Variants in NANOGNB observed in about 807,000 individuals in gnomAD.
NANOGNB encodes the protein homeobox C14.
Under a neutral mutation model 25.0 loss-of-function variants are expected in NANOGNB, and 30 were observed. That is an observed-to-expected ratio of 1.20 (90% confidence interval 0.90 to 1.63). The LOEUF is 1.63. NANOGNB is among the 40% of genes most tolerant of loss of function. The pLI is 0.00. For synonymous variants in NANOGNB, 84 were observed against 62.1 expected, an observed-to-expected ratio of 1.35 and a Z score of -1.66; for missense variants, 200 against 188.1, an observed-to-expected ratio of 1.06 and a Z score of -0.37.
At position 7,773,793 on chromosome 12, in the gene NANOGNB, T is replaced by TTTTAA; in HGVS notation, c.516-7_516-6insTTTAA. On this transcript the variant is annotated splice_polypyrimidine_tract_variant and splice_region_variant and intron_variant, in intron 3 of 3. Coordinates refer to ENST00000382119, the MANE Select transcript of NANOGNB (RefSeq NM_001145465.1). ...AAACTCTTTTTTTTTTTTTTTTTTT[T>TTTTAA]AAACAGATGGAGATCTCTGTGTTGC... 1 of 630,200 alleles carries TTTTAA rather than the reference T, an allele frequency of 1.6e-6. No individual in the cohort carries two copies. The highest frequency in any genetic ancestry group is 2.8e-6 in the Non-Finnish European group (1 of 357,036). 39.0% of individuals were successfully genotyped at this position (630,200 alleles called of 1,614,324 possible).
chr12:7,769,967 G>A lies in NANOGNB; in HGVS notation c.103-16G>A, dbSNP rs1250449701. On this transcript the variant is annotated splice_polypyrimidine_tract_variant and intron_variant, in intron 1 of 3. Coordinates refer to ENST00000382119, the MANE Select transcript of NANOGNB (RefSeq NM_001145465.1). ...TAGCTGCAGCTTGATTTTATTCCAC[G>A]GATCTTTTTATACAGAAACAATCAG... is the stretch of plus-strand genomic sequence containing the variant. 4.1e-6 allele frequency: 6 copies of A among 1,479,726 alleles called. No individual in the cohort carries two copies. Among genetic ancestry groups the A allele is most frequent in the African/African-American group, 2.9e-5 (2 of 69,840 alleles). 91.7% of individuals were successfully genotyped at this position (1,479,726 alleles called of 1,614,324 possible).
Position 7,773,546 on chromosome 12 carries a change from CAAAAAAAAAAAAAAAAA to C in NANOGNB, c.516-237_516-221del, listed in dbSNP as rs869038102. 9.1e-4 allele frequency among the ~76,000 whole-genome samples: 14 copies of C among 15,440 alleles called. 1 individual carries two copies. In the South Asian group the frequency reaches 0.028, roughly 31 times the overall value. The allele number at this position is 15,440 out of a possible 152,430, so 10.1% of individuals were successfully genotyped here. Reference sequence around the variant, plus strand: ...TGAAACTCCATCTCTACTAAAAATACAAAAAAAAAAAAAAAAAAAAAAAAAAAAAAAAAGCCAGGCTT... The same window carrying C: ...TGAAACTCCATCTCTACTAAAAATACAAAAAAAAAAAAAAAAGCCAGGCTT... On this transcript the variant is annotated intron_variant, in intron 3 of 3. Coordinates refer to ENST00000382119, the MANE Select transcript of NANOGNB (RefSeq NM_001145465.1).
chr12:7,767,650 TTC>T (rs1323381663), intron 1 of NANOGNB, among the ~76,000 whole-genome samples: 61 of 152,210 alleles, frequency 4.0e-4, no homozygotes, highest in African/African-American at 1.4e-3. Flanking sequence ...CTAATTTACT[TTC>T]TGTCTCTATA....
At chr12:7,770,681 C>T (rs989432924) in intron 3 of NANOGNB, among the ~76,000 whole-genome samples, 163 bp downstream of exon 3, 3 of 152,078 alleles carry the variant, frequency 2.0e-5, no homozygotes, top group Non-Finnish European at 2.9e-5. Flanking sequence ...GGCGCCATCT[C>T]GGCTCACCGC....
intron 3 of NANOGNB, among the ~76,000 whole-genome samples, chr12:7,773,518 T>C (rs919429483): frequency 8.5e-6 from 1 of 117,876 alleles, no homozygotes; most frequent in Admixed American, 1.2e-4. Context: ...CTGACTAACA[T>C]GGTGAAACTC....
intron 3 of NANOGNB, among the ~76,000 whole-genome samples, chr12:7,773,567 A>AAAAAAAAAAAAAAAAAAC (rs1862607318): frequency 7.2e-6 from 1 of 139,156 alleles, no homozygotes; most frequent in Non-Finnish European, 1.6e-5. Flanking sequence ...AAAAAAAAAA[A>AAAAAAAAAAAAAAAAAAC]AAAAAAAAAA....
intron 3 of NANOGNB, among the ~76,000 whole-genome samples, chr12:7,772,236 G>A (rs1862575017): frequency 6.6e-6 from 1 of 152,150 alleles, no homozygotes; most frequent in Non-Finnish European, 1.5e-5. Context: ...GCTTGCCACA[G>A]GGAAAGATAG....
intron 1 of NANOGNB, among the ~76,000 whole-genome samples, chr12:7,769,538 G>A (rs1019414774): frequency 2.0e-5 from 3 of 152,080 alleles, no homozygotes; most frequent in African/African-American, 7.2e-5. Context: ...GGCCAGGCTT[G>A]TCTCGATCTC....
chr12:7,773,673 C>T, intron 3 of NANOGNB, 127 bp from the exon 4 acceptor site: 5 of 420,238 alleles, frequency 1.2e-5, no homozygotes, highest in Non-Finnish European at 2.0e-5. Flanking sequence ...TGCAGTCAGC[C>T]GAGATTGTGC....
chr12:7,769,613 A>G (rs1307066401), intron 1 of NANOGNB, among the ~76,000 whole-genome samples: 1 of 148,706 alleles, frequency 6.7e-6, no homozygotes, highest in Non-Finnish European at 1.5e-5. Context: ...GTGAGCCACC[A>G]CCTCCCGGGT....
rs1865251335 is a variant in NANOGNB, at chr12:7,766,912, C to T, written c.102+1525C>T. On this transcript the variant is annotated intron_variant, in intron 1 of 3. Transcript: ENST00000382119. ...CTGGAGCACAGTGGGGCGATCTCAG[C>T]TCACTGCAATCTTTGCCTCCCGGGT... is the stretch of plus-strand genomic sequence containing the variant. 2.0e-5 allele frequency among the ~76,000 whole-genome samples: 3 copies of T among 152,208 alleles called. 1 individual carries two copies. The highest frequency in any genetic ancestry group is 2.0e-4 in the Admixed American group (3 of 15,276).
intron 1 of NANOGNB, 46 bp downstream of exon 1, chr12:7,765,433 G>A (rs1048840288): frequency 1.1e-5 from 4 of 353,754 alleles, no homozygotes; most frequent in South Asian, 2.1e-5. Flanking sequence ...AGCTGGGCGT[G>A]GTGGCGGGCG....
chr12:7,765,808 AT>A lies in NANOGNB; in HGVS notation c.102+423del, dbSNP rs759266119. 3.1e-3 allele frequency among the ~76,000 whole-genome samples: 475 copies of A among 152,134 alleles called. 2 individuals carry two copies. Among genetic ancestry groups the A allele is most frequent in the African/African-American group, 0.011 (451 of 41,526 alleles). ...ACTGAGTTTGGGAATTTTAAGTTCA[AT>A]TCACATAACTTATTAGACATCCAAG... On this transcript the variant is annotated intron_variant, in intron 1 of 3. Transcript: ENST00000382119.
At chr12:7,770,584 T>C in intron 3 of NANOGNB, 66 bp downstream of exon 3, 1 of 1,057,858 alleles carries the variant, frequency 9.5e-7, no homozygotes, top group South Asian at 1.6e-5. Flanking sequence ...GGAGTTGGTT[T>C]GTGTTTCCAT....
At chr12:7,773,772 TC>T (rs1862610581) in intron 3 of NANOGNB, 27 bp from the exon 4 acceptor site, 27 of 571,756 alleles carry the variant, frequency 4.7e-5, no homozygotes, top group Admixed American at 1.7e-4. Context: ...GTTGCGAAAC[TC>T]TTTTTTTTTT....
intron 1 of NANOGNB, among the ~76,000 whole-genome samples, chr12:7,769,651 C>G (rs747322435): frequency 6.6e-6 from 1 of 151,886 alleles, no homozygotes; most frequent in African/African-American, 2.4e-5. Context: ...CTCAGCCTCC[C>G]GAGTAGCATG....
At chr12:7,770,361 C>G (rs780599462) in intron 2 of NANOGNB, 46 bp downstream of exon 2, 1 of 1,518,722 alleles carries the variant, frequency 6.6e-7, no homozygotes, top group South Asian at 1.3e-5. Context: ...GACAAAGTCA[C>G]TTGTATAGTA....
Position 7,770,443 on chromosome 12 carries a change from G to A in NANOGNB, c.440G>A (p.Ser147Asn). ...FEFDMTHKQI[S>N]QWFCKTRKKY... is the part of the protein sequence containing the mutation. ...CCACACCTCATTTTTTTGTAGATAA[G>A]TCAATGGTTTTGTAAAACGAGGAAG... Residue 147 changes from serine to asparagine, a missense_variant, in exon 3 of 4, where the codon AGT becomes AAT. Transcript: ENST00000382119. 3 of 1,538,448 alleles carry A rather than the reference G, an allele frequency of 2.0e-6. No individual in the cohort carries two copies. The highest frequency in any genetic ancestry group is 2.6e-6 in the Non-Finnish European group (3 of 1,138,098).
chr12:7,771,768 G>A (rs1057462027), intron 3 of NANOGNB, among the ~76,000 whole-genome samples: 2 of 151,916 alleles, frequency 1.3e-5, no homozygotes, highest in African/African-American at 2.4e-5. Context: ...TTACAGGCAC[G>A]CGCCACTATG....
Sources: allele counts gnomAD v4.1 joint callset (sites outside exome capture counted in the v4.1 genomes callset), GRCh38; gene constraint gnomAD v4.1.1; transcripts MANE v1.5; gene names NCBI Gene and HGNC (gene_info 2026-07-23, HGNC 2026-07-21).